Variants in C9orf72 observed in about 807,000 individuals in gnomAD.
C9orf72 encodes the protein C9orf72-SMCR8 complex subunit.
Under a neutral mutation model 51.6 loss-of-function variants are expected in C9orf72, and 44 were observed. That is an observed-to-expected ratio of 0.85 (90% confidence interval 0.67 to 1.10). The LOEUF (loss-of-function observed/expected upper bound fraction) is 1.10, where lower values mean the gene tolerates loss of function less well. Among genes scored for constraint, C9orf72 ranks in the 50% least tolerant of loss-of-function variants. The probability of loss-of-function intolerance (pLI) is 0.00; values close to 1 mark genes in which losing one functional copy is unlikely to be tolerated. For missense variants in C9orf72, 607 were observed against 570.6 expected (o/e 1.06, Z -0.65); for synonymous variants, 213 against 194.2 (o/e 1.10, Z -0.81).
intron 2 of C9orf72, 44 bp downstream of exon 2, chr9:27,566,633 C>T (rs1167187873): frequency 1.5e-5 from 20 of 1,361,030 alleles, no homozygotes; most frequent in Non-Finnish European, 2.0e-5. Context: ...AATAAGCTTT[C>T]AACAGATAGG....
chr9:27,562,270 G>A, intron 4 of C9orf72, 111 bp downstream of exon 4: 1 of 412,706 alleles, frequency 2.4e-6, no homozygotes, highest in Non-Finnish European at 4.2e-6. Flanking sequence ...TATGTGAATA[G>A]TATGTATGAC....
intron 8 of C9orf72, among the ~76,000 whole-genome samples, chr9:27,554,834 G>A (rs1005150875): frequency 6.6e-6 from 1 of 152,048 alleles, no homozygotes; most frequent in Non-Finnish European, 1.5e-5. Flanking sequence ...TTTATGTTTA[G>A]AAAATTTAGA....
intron 5 of C9orf72, 116 bp downstream of exon 5, chr9:27,561,469 G>GTTT (rs72535331): frequency 2.1e-5 from 31 of 1,487,986 alleles, no homozygotes; most frequent in Non-Finnish European, 2.8e-5. Flanking sequence ...AATACGTAAT[G>GTTT]TCCCTAGAAC....
chr9:27,556,525 C>T (rs762221739), intron 8 of C9orf72, 36 bp downstream of exon 8: 64 of 1,380,512 alleles, frequency 4.6e-5, no homozygotes, highest in Non-Finnish European at 6.2e-5. Flanking sequence ...TTTCATATTG[C>T]TTGACTACAG....
chr9:27,572,032 T>G (rs1303358214), intron 1 of C9orf72, among the ~76,000 whole-genome samples: 1 of 152,226 alleles, frequency 6.6e-6, no homozygotes, highest in Non-Finnish European at 1.5e-5. Context: ...CTAATTAACG[T>G]AGAATAGAAC....
intron 3 of C9orf72, among the ~76,000 whole-genome samples, chr9:27,563,496 C>A (rs1407406232): frequency 1.3e-5 from 2 of 152,180 alleles, no homozygotes; most frequent in African/African-American, 4.8e-5. Context: ...TTTTTTAAAT[C>A]ATACATTATT....
chr9:27,555,576 TTA>T lies in C9orf72; in HGVS notation c.1091+983_1091+984del, dbSNP rs1469718799. Among the ~76,000 whole-genome samples the T allele has an allele frequency of 2.1e-4, 29 of 140,708 alleles. No homozygotes were observed. In the South Asian group the frequency reaches 6.6e-3, roughly 32 times the overall value. 92.3% of individuals were successfully genotyped at this position (140,708 alleles called of 152,430 possible). A position where few individuals can be genotyped will look rare whatever the true frequency, so the allele number is the denominator to read the frequency against. Reference sequence around the variant, plus strand: ...TGCAAGCATTTTTTTTTTTTTTTTTTTAAATAAGACAGAGTCTCGGTGTTCCC... The same window carrying T: ...TGCAAGCATTTTTTTTTTTTTTTTTTAATAAGACAGAGTCTCGGTGTTCCC... On this transcript the variant is annotated intron_variant, in intron 8 of 10. Transcript: ENST00000380003.
rs776286891 is a variant in C9orf72 at position 27,566,786 on chromosome 9, A to G, written c.335T>C (p.Leu112Pro). 1 of 1,613,676 alleles carries G rather than the reference A, an allele frequency of 6.2e-7. No individual in the cohort carries two copies. Residue 112 changes from leucine to proline, a missense_variant, in exon 2 of 11, where the codon CTA becomes CCA. Transcript: ENST00000380003. ...TTCTGTCTGTGGAAGTATAATTGAT[A>G]GTCCATATGTGCTGCGATCCCCATT... ...NWNGDRSTYG[L>P]SIILPQTELS...
chr9:27,556,639 G>C lies in C9orf72; in HGVS notation c.1013C>G (p.Ala338Gly). Residue 338 changes from alanine to glycine, a missense_variant, in exon 8 of 11, where the codon GCC (alanine) becomes GGC (glycine). Transcript: ENST00000380003. ...QRRYMRSELT[A>G]FWRATSEEDM... ...TTCTTCTGAAGTGGCTCTCCAGAAG[G>C]CTGTCAGCTCGGATCTCATGTATCT... 1 of 1,613,912 alleles carries C rather than the reference G, an allele frequency of 6.2e-7. No homozygotes were observed. The highest frequency in any genetic ancestry group is 8.5e-7 in the Non-Finnish European group (1 of 1,179,862).
At chr9:27,571,661 A>G (rs1448440908) in intron 1 of C9orf72, among the ~76,000 whole-genome samples, 1 of 152,174 alleles carries the variant, frequency 6.6e-6, no homozygotes, top group Admixed American at 6.5e-5. Flanking sequence ...TACGTTGCCC[A>G]GGTTGAGCTT....
chr9:27,556,458 A>G (rs988169304), intron 8 of C9orf72, 103 bp downstream of exon 8: 3 of 706,418 alleles, frequency 4.2e-6, no homozygotes, highest in Non-Finnish European at 7.1e-6. Flanking sequence ...TCTGCTGGTA[A>G]TATTTCTTTC....
chr9:27,550,531 G>T, intron 9 of C9orf72, 119 bp downstream of exon 9: 1 of 567,976 alleles, frequency 1.8e-6, no homozygotes, highest in Non-Finnish European at 3.1e-6. Flanking sequence ...CAATTGCTGA[G>T]CAGAACTCTG....
At chr9:27,549,280 G>T (rs532287010) in intron 9 of C9orf72, among the ~76,000 whole-genome samples, 1 of 152,094 alleles carries the variant, frequency 6.6e-6, no homozygotes, top group Admixed American at 6.5e-5. Context: ...AATTTTTTCT[G>T]CCCAAATCTT....
chr9:27,549,915 A>G (rs1196136665), intron 9 of C9orf72, among the ~76,000 whole-genome samples: 1 of 151,944 alleles, frequency 6.6e-6, no homozygotes, highest in East Asian at 1.9e-4. Context: ...AAAATCATTT[A>G]GACACTTTAG....
chr9:27,561,529 G>A (rs1819348065), intron 5 of C9orf72, 56 bp downstream of exon 5: 2 of 1,599,600 alleles, frequency 1.3e-6, no homozygotes, highest in Non-Finnish European at 8.5e-7. Flanking sequence ...CTTGTCATAG[G>A]TGAGCATAAG....
At position 27,567,181 on chromosome 9, in the gene C9orf72, G is replaced by T. The variant is rs1436729047; in HGVS notation, c.-44-17C>A. ...CGGAGATATCTAAACAATGACATAT[G>T]AAACCAATGATTAGGTTCAGCAATT... On this transcript the variant is annotated splice_polypyrimidine_tract_variant and intron_variant, in intron 1 of 10. Coordinates refer to ENST00000380003, the MANE Select transcript of C9orf72 (RefSeq NM_018325.5). The T allele has an allele frequency of 1.5e-6, 2 of 1,375,368 alleles. No homozygotes were observed. The highest frequency in any genetic ancestry group is 2.3e-5 in the East Asian group (1 of 43,474). 85.2% of individuals were successfully genotyped at this position (1,375,368 alleles called of 1,614,324 possible). A position where few individuals can be genotyped will look rare whatever the true frequency, so the allele number is the denominator to read the frequency against.
At chr9:27,570,347 T>C (rs1388272422) in intron 1 of C9orf72, among the ~76,000 whole-genome samples, 2 of 152,200 alleles carry the variant, frequency 1.3e-5, no homozygotes, top group African/African-American at 2.4e-5. Flanking sequence ...TAAAATTATA[T>C]TGCAAACATA....
chr9:27,560,350 C>A, intron 5 of C9orf72, 51 bp from the exon 6 acceptor site: 2 of 1,446,776 alleles, frequency 1.4e-6, no homozygotes, highest in Admixed American at 2.2e-5. Context: ...AACAATTTAA[C>A]AAACTAAAAA....
chr9:27,573,197 C>T (rs1819627847), intron 1 of C9orf72, among the ~76,000 whole-genome samples: 1 of 152,076 alleles, frequency 6.6e-6, no homozygotes, highest in Non-Finnish European at 1.5e-5. Context: ...AGATCCCCAT[C>T]CCTTGTCCCT....
Sources: allele counts gnomAD v4.1 joint callset (sites outside exome capture counted in the v4.1 genomes callset), GRCh38; gene constraint gnomAD v4.1.1; transcripts MANE v1.5; gene names NCBI Gene and HGNC (gene_info 2026-07-23, HGNC 2026-07-21).